ADARB2: variants seen among roughly 807,000 people sequenced by gnomAD.
ADARB2 encodes adenosine deaminase RNA specific B2 (inactive).
In ADARB2, 25 loss-of-function variants were observed where a neutral mutation model predicts 62.2. The observed-to-expected ratio is 0.40, with a 90% CI of 0.29 to 0.56. ADARB2 has a LOEUF of 0.56. Ranked by LOEUF, ADARB2 falls within the 20% of genes least tolerant of loss-of-function variation. The pLI is 0.43. For missense variants in ADARB2, 1,071 were observed against 1,077.4 expected (o/e 0.99, Z 0.08); for synonymous variants, 572 against 500.8 (o/e 1.14, Z -1.90).
chr10:1,278,485 T>C (rs1033612888), intron 3 of ADARB2, among the ~76,000 whole-genome samples: 2 of 151,920 alleles, frequency 1.3e-5, no homozygotes, highest in African/African-American at 4.8e-5. Context: ...TGAGTACTCT[T>C]ATGTTTATCT....
intron 3 of ADARB2, among the ~76,000 whole-genome samples, chr10:1,338,006 C>T (rs1353576232): frequency 6.6e-6 from 1 of 152,206 alleles, no homozygotes; most frequent in African/African-American, 2.4e-5. Flanking sequence ...TTAATACTGT[C>T]ATGGTGCTTT....
chr10:1,436,678 G>A (rs926342736), intron 1 of ADARB2, among the ~76,000 whole-genome samples: 1 of 152,214 alleles, frequency 6.6e-6, no homozygotes, highest in African/African-American at 2.4e-5. Flanking sequence ...CCCTCGGGGA[G>A]AAGCTACCTT....
intron 1 of ADARB2, among the ~76,000 whole-genome samples, chr10:1,671,420 G>A (rs972742166): frequency 6.6e-6 from 1 of 152,242 alleles, no homozygotes; most frequent in African/African-American, 2.4e-5. Context: ...CAGAGGTTAA[G>A]TCTGCTATCA....
chr10:1,720,355 CACACACTGG>C (rs1480557709), intron 1 of ADARB2, among the ~76,000 whole-genome samples: 1 of 152,132 alleles, frequency 6.6e-6, no homozygotes, highest in East Asian at 1.9e-4. Context: ...ATGGGAACAA[CACACACTGG>C]GAACACTAGA....
At chr10:1,317,724 C>T (rs916173210) in intron 3 of ADARB2, among the ~76,000 whole-genome samples, 1 of 122,810 alleles carries the variant, frequency 8.1e-6, no homozygotes, top group African/African-American at 3.7e-5. Context: ...AAAAGCCCAT[C>T]AGCAGGGGGC....
chr10:1,419,798 T>C (rs1187302019), intron 1 of ADARB2, among the ~76,000 whole-genome samples: 2 of 152,358 alleles, frequency 1.3e-5, no homozygotes, highest in East Asian at 3.9e-4. Flanking sequence ...TGTTAGCTTT[T>C]CACATCACAT....
chr10:1,255,097 T>C lies in ADARB2; in HGVS notation c.1193-12798A>G, dbSNP rs752794700. On this transcript the variant is annotated intron_variant, in intron 4 of 9. Coordinates refer to ENST00000381312, the MANE Select transcript of ADARB2 (RefSeq NM_018702.4). This position sits in a 1 kb window ranked among gnomAD's most constrained non-coding sequence, Gnocchi z 4.7. ...TTTCAGGTGCTGAGACTGCCAGTCA[T>C]GCCGGGGCTCAGCCCCAGTGAGGGA... Among the ~76,000 whole-genome samples the C allele has an allele frequency of 2.0e-5, 3 of 152,248 alleles. No individual in the cohort carries two copies. Among genetic ancestry groups the C allele is most frequent in the Non-Finnish European group, 2.9e-5 (2 of 68,038 alleles).
intron 7 of ADARB2, among the ~76,000 whole-genome samples, chr10:1,208,156 A>G (rs1837094390): frequency 1.3e-5 from 2 of 152,140 alleles, no homozygotes. Context: ...TGGTGGTAGG[A>G]TTTTAGGAAT....
chr10:1,247,499 G>A lies in ADARB2; in HGVS notation c.1193-5200C>T, dbSNP rs182818892. 1.1e-4 allele frequency among the ~76,000 whole-genome samples: 16 copies of A among 152,118 alleles called. No individual in the cohort carries two copies. The East Asian group carries it at 3.1e-3, about 29-fold the overall frequency. ...GATAGCTCTTATTATTTTGAGATAC[G>A]TCCCATTAATGAAGAATGGCCAAAT... On this transcript the variant is annotated intron_variant, in intron 4 of 9. Coordinates refer to ENST00000381312, the MANE Select transcript of ADARB2 (RefSeq NM_018702.4).
chr10:1,354,407 C>G (rs986221923), intron 3 of ADARB2, among the ~76,000 whole-genome samples: 2 of 151,694 alleles, frequency 1.3e-5, no homozygotes, highest in Admixed American at 6.6e-5. Flanking sequence ...CAGAGAACAG[C>G]CCCCCTTTTT....
intron 1 of ADARB2, among the ~76,000 whole-genome samples, chr10:1,543,024 G>C (rs935824791): frequency 6.6e-6 from 1 of 152,268 alleles, no homozygotes; most frequent in Non-Finnish European, 1.5e-5. Flanking sequence ...TCCACTTGCA[G>C]CTCCGCGCTG....
intron 3 of ADARB2, among the ~76,000 whole-genome samples, chr10:1,305,077 C>T (rs1276045608): frequency 7.9e-6 from 1 of 126,444 alleles, no homozygotes; most frequent in Non-Finnish European, 1.7e-5. Context: ...GAAAGAGAGA[C>T]ACAAAAAACC....
intron 1 of ADARB2, among the ~76,000 whole-genome samples, chr10:1,547,312 TTG>T (rs1832537441): frequency 2.4e-5 from 1 of 41,030 alleles, no homozygotes; most frequent in Non-Finnish European, 5.4e-5. Flanking sequence ...ATGTACTGTG[TTG>T]GGGGAGAGAG....
intron 1 of ADARB2, among the ~76,000 whole-genome samples, chr10:1,408,858 TCTGCCTGGGACCCAACGC>T (rs1832729820): frequency 6.6e-6 from 1 of 152,202 alleles, no homozygotes; most frequent in Non-Finnish European, 1.5e-5. Flanking sequence ...TCTTGCTCTG[TCTGCCTGGGACCCAACGC>T]CTGCTGCAGG....
At chr10:1,351,848 G>A (rs1313011722) in intron 3 of ADARB2, among the ~76,000 whole-genome samples, 1 of 151,012 alleles carries the variant, frequency 6.6e-6, no homozygotes, top group African/African-American at 2.5e-5. Context: ...AACCAGACAA[G>A]GCTTACAGGT....
At chr10:1,342,137 A>C (rs1180805263) in intron 3 of ADARB2, among the ~76,000 whole-genome samples, 1 of 152,150 alleles carries the variant, frequency 6.6e-6, no homozygotes, top group Non-Finnish European at 1.5e-5. Flanking sequence ...CCTCCTGCTC[A>C]CTCTCAAAGA....
intron 1 of ADARB2, among the ~76,000 whole-genome samples, chr10:1,462,809 G>A (rs1831195439): frequency 6.6e-6 from 1 of 151,692 alleles, no homozygotes; most frequent in African/African-American, 2.4e-5. Flanking sequence ...ATGTACATGT[G>A]TGTGTCTGTG....
chr10:1,547,236 G>C (rs1832535826), intron 1 of ADARB2, among the ~76,000 whole-genome samples: 1 of 148,406 alleles, frequency 6.7e-6, no homozygotes, highest in African/African-American at 2.6e-5. Flanking sequence ...TCTATGCACT[G>C]TGTTGGGGGC....
At chr10:1,526,789 C>T (rs1285873683) in intron 1 of ADARB2, 2 of 505,420 alleles carry the variant, frequency 4.0e-6, no homozygotes, top group Non-Finnish European at 8.3e-6. Context: ...CAGCTGTTCC[C>T]GCCTCCTCCT....
Sources: gnomAD v4.1 joint callset for allele counts (sites outside exome capture counted in the v4.1 genomes callset) on GRCh38, gnomAD v4.1.1 for gene constraint, Gnocchi (gnomAD v3.1) non-coding constraint, MANE v1.5 for transcripts, NCBI Gene and HGNC (gene_info 2026-07-23, HGNC 2026-07-21) for gene names.